The following RNF180 variants were observed in gnomAD, a reference collection of about 807,000 sequenced individuals.
The protein encoded by RNF180 is E3 ubiquitin-protein ligase RNF180.
In RNF180, 38 loss-of-function variants were observed where a neutral mutation model predicts 59.2. The observed-to-expected ratio is 0.64, with a 90% CI of 0.50 to 0.84. The LOEUF is 0.84. RNF180 is among the 40% of genes least tolerant of loss of function. The pLI, the probability that RNF180 is intolerant of heterozygous loss-of-function variation, is 0.00. For synonymous variants in RNF180, 262 were observed against 240.3 expected, an observed-to-expected ratio of 1.09 and a Z score of -0.84; for missense variants, 705 against 700.9, an observed-to-expected ratio of 1.01 and a Z score of -0.07.
chr5:64,180,753 C>CA lies in RNF180; in HGVS notation c.-1+14804dup, dbSNP rs551802225. ...TCCTTCATAGAACTTCTACCAACGG[C>CA]AAAATGGAAAGACATCCCTTTTCGC... is the stretch of plus-strand genomic sequence containing the variant. On this transcript the variant is annotated intron_variant, in intron 1 of 7. Coordinates refer to ENST00000389100, the MANE Select transcript of RNF180 (RefSeq NM_001113561.2). Among the ~76,000 whole-genome samples the CA allele has an allele frequency of 1.3e-3, 197 of 152,270 alleles. 1 individual carries two copies. The highest frequency in any genetic ancestry group is 2.0e-3 in the Non-Finnish European group (138 of 68,012).
chr5:64,185,421 T>C (rs966375356), intron 1 of RNF180, among the ~76,000 whole-genome samples: 3 of 152,218 alleles, frequency 2.0e-5, no homozygotes, highest in Non-Finnish European at 2.9e-5. Flanking sequence ...AAGAGTTTAC[T>C]AGGGAAAGGG....
chr5:64,231,435 CTA>C (rs1218820004), intron 5 of RNF180, among the ~76,000 whole-genome samples: 1 of 152,120 alleles, frequency 6.6e-6, no homozygotes, highest in Non-Finnish European at 1.5e-5. Flanking sequence ...TTTGAATAAA[CTA>C]AGTATATGTG....
chr5:64,259,234 A>G (rs780686639), intron 5 of RNF180, among the ~76,000 whole-genome samples: 3 of 152,204 alleles, frequency 2.0e-5, no homozygotes, highest in Non-Finnish European at 4.4e-5. Context: ...AGGCAAGGAA[A>G]TATCTGCATG....
intron 5 of RNF180, among the ~76,000 whole-genome samples, chr5:64,266,397 A>G: frequency 7.1e-6 from 1 of 140,668 alleles, no homozygotes; most frequent in Admixed American, 7.1e-5. Context: ...TTATAACTAT[A>G]ATAGTTATAA....
At chr5:64,168,908 T>C (rs188847755) in intron 1 of RNF180, among the ~76,000 whole-genome samples, 2 of 152,266 alleles carry the variant, frequency 1.3e-5, no homozygotes, top group African/African-American at 2.4e-5. Context: ...TTCCATAAAA[T>C]AGAATGCCAT....
intron 7 of RNF180, among the ~76,000 whole-genome samples, chr5:64,354,923 C>T (rs1183729485): frequency 6.6e-6 from 1 of 151,858 alleles, no homozygotes; most frequent in Non-Finnish European, 1.5e-5. Flanking sequence ...AAGACTGCTT[C>T]AACATGACAC....
chr5:64,299,575 G>C lies in RNF180; in HGVS notation c.1228-25611G>C, dbSNP rs531141865. 7.9e-5 allele frequency among the ~76,000 whole-genome samples: 12 copies of C among 152,040 alleles called. No individual in the cohort carries two copies. The South Asian group carries it at 1.7e-3, about 21-fold the overall frequency. ...ATTTAAATATCTAGGCCTAGCCTCT[G>C]AGACTGATTCTTAACAAGAGGTATG... On this transcript the variant is annotated intron_variant, in intron 5 of 7. Transcript: ENST00000389100.
chr5:64,212,433 A>G (rs563530921), intron 3 of RNF180, among the ~76,000 whole-genome samples: 1 of 152,094 alleles, frequency 6.6e-6, no homozygotes, highest in Non-Finnish European at 1.5e-5. Context: ...TATTATACAC[A>G]CACATATACA....
At chr5:64,289,783 T>C (rs1193397849) in intron 5 of RNF180, among the ~76,000 whole-genome samples, 1 of 152,166 alleles carries the variant, frequency 6.6e-6, no homozygotes, top group Admixed American at 6.5e-5. Context: ...TTCTCTCTTC[T>C]GTTCTTTATT....
chr5:64,247,253 T>C (rs1561215484), intron 5 of RNF180, among the ~76,000 whole-genome samples: 1 of 152,132 alleles, frequency 6.6e-6, no homozygotes, highest in African/African-American at 2.4e-5. Flanking sequence ...GTATTGGAAG[T>C]TGTGGCCAGG....
chr5:64,353,608 T>C (rs1381813203), intron 7 of RNF180, among the ~76,000 whole-genome samples: 1 of 151,856 alleles, frequency 6.6e-6, no homozygotes, highest in African/African-American at 2.4e-5. Flanking sequence ...ATGTATGTTA[T>C]ATAACCTAAT....
chr5:64,184,382 T>TC lies in RNF180; in HGVS notation c.1-16425dup, dbSNP rs566500694. 5.9e-5 allele frequency among the ~76,000 whole-genome samples: 9 copies of TC among 152,318 alleles called. No homozygotes were observed. In the East Asian group the frequency reaches 1.7e-3, roughly 29 times the overall value. ...ATAAAGTACTTTATTATCTTTTTTTTCTAATTGTTTAACATCTATTGATGG... is the reference window on the plus strand; with the variant it reads ...ATAAAGTACTTTATTATCTTTTTTTTCCTAATTGTTTAACATCTATTGATGG... On this transcript the variant is annotated intron_variant, in intron 1 of 7. Coordinates refer to ENST00000389100, the MANE Select transcript of RNF180 (RefSeq NM_001113561.2).
At chr5:64,194,340 T>C (rs1195562850) in intron 1 of RNF180, among the ~76,000 whole-genome samples, 3 of 152,336 alleles carry the variant, frequency 2.0e-5, no homozygotes, top group East Asian at 3.9e-4. Context: ...GAACTCATCC[T>C]TTTTTATGGC....
At chr5:64,268,197 G>A (rs886656839) in intron 5 of RNF180, among the ~76,000 whole-genome samples, 4 of 152,084 alleles carry the variant, frequency 2.6e-5, no homozygotes, top group African/African-American at 4.8e-5. Context: ...TTTAGCTAGC[G>A]TTATTTTAGA....
At chr5:64,201,056 G>T in intron 2 of RNF180, 114 bp downstream of exon 2, 1 of 802,976 alleles carries the variant, frequency 1.2e-6, no homozygotes. Flanking sequence ...ATAGTTCTTT[G>T]TCATGACTCT....
intron 7 of RNF180, among the ~76,000 whole-genome samples, chr5:64,355,459 T>C (rs188913653): frequency 6.6e-6 from 1 of 152,020 alleles, no homozygotes; most frequent in East Asian, 1.9e-4. Flanking sequence ...CATTAGAAGA[T>C]TTAATACTGT....
intron 5 of RNF180, among the ~76,000 whole-genome samples, chr5:64,278,938 T>C (rs908955866): frequency 7.2e-5 from 11 of 152,088 alleles, no homozygotes; most frequent in Admixed American, 5.2e-4. Context: ...ATCTAATAGA[T>C]AGATTAATGG....
At chr5:64,249,960 T>C (rs1743456561) in intron 5 of RNF180, among the ~76,000 whole-genome samples, 1 of 152,154 alleles carries the variant, frequency 6.6e-6, no homozygotes, top group Non-Finnish European at 1.5e-5. Flanking sequence ...CTAGATCAAA[T>C]GGACTTAACA....
At chr5:64,183,309 A>T (rs139600348) in intron 1 of RNF180, among the ~76,000 whole-genome samples, 2 of 152,152 alleles carry the variant, frequency 1.3e-5, no homozygotes, top group African/African-American at 4.8e-5. Context: ...CTACACTAAA[A>T]AATGATAGCT....
Sources: gnomAD v4.1 joint callset for allele counts (sites outside exome capture counted in the v4.1 genomes callset) on GRCh38, gnomAD v4.1.1 for gene constraint, MANE v1.5 for transcripts, NCBI Gene and HGNC (gene_info 2026-07-23, HGNC 2026-07-21) for gene names.